PACRG: variants seen among roughly 807,000 people sequenced by gnomAD.
The protein encoded by PACRG is parkin coregulated, also known as parkin coregulated gene protein.
Under a neutral mutation model 29.7 loss-of-function variants are expected in PACRG, and 29 were observed. The ratio of observed to expected loss-of-function variants is 0.98; its 90% CI spans 0.73 to 1.33. PACRG has a LOEUF of 1.33. Ranked by LOEUF, PACRG falls within the 40% of genes most tolerant of loss-of-function variation. The probability of loss-of-function intolerance (pLI) is 0.00; values close to 1 mark genes in which losing one functional copy is unlikely to be tolerated. For missense variants in PACRG, 279 were observed against 316.2 expected (o/e 0.88, Z 0.89); for synonymous variants, 116 against 118.7 (o/e 0.98, Z 0.15).
intron 4 of PACRG, among the ~76,000 whole-genome samples, chr6:163,117,884 T>G (rs1816085455): frequency 6.6e-6 from 1 of 152,198 alleles, no homozygotes; most frequent in Non-Finnish European, 1.5e-5. Context: ...GTGTTGATGT[T>G]CATGCTTGTT....
At chr6:162,808,162 T>C (rs1286122288) in intron 1 of PACRG, among the ~76,000 whole-genome samples, 1 of 152,208 alleles carries the variant, frequency 6.6e-6, no homozygotes, top group Non-Finnish European at 1.5e-5. Flanking sequence ...GATACTGAAT[T>C]ACAGAACTTC....
chr6:162,880,792 A>C lies in PACRG; in HGVS notation c.291+66511A>C, dbSNP rs141821123. ...CACCTACCTGAAATCATCTTCCGAG[A>C]TACCCTAAAACTACACATCGCTTTC... is the stretch of plus-strand genomic sequence containing the variant. On this transcript the variant is annotated intron_variant, in intron 2 of 4. Transcript: ENST00000366888. Among the ~76,000 whole-genome samples, 197 of 152,350 alleles carry C rather than the reference A, an allele frequency of 1.3e-3. 1 individual carries two copies. The highest frequency in any genetic ancestry group is 4.4e-3 in the African/African-American group (185 of 41,586).
intron 2 of PACRG, among the ~76,000 whole-genome samples, chr6:162,887,725 G>A (rs6936634): frequency 6.6e-6 from 1 of 151,862 alleles, no homozygotes; most frequent in Non-Finnish European, 1.5e-5. Context: ...CCCTGCCTCC[G>A]TCCTTAAATA....
chr6:162,728,020 G>C lies in PACRG; in HGVS notation c.-216G>C. The C allele has an allele frequency of 1.5e-6, 1 of 663,392 alleles. No individual in the cohort carries two copies. The highest frequency in any genetic ancestry group is 2.6e-6 in the Non-Finnish European group (1 of 380,292). The allele number at this position is 663,392 out of a possible 1,614,324, so 41.1% of individuals were successfully genotyped here. On this transcript the variant is annotated 5_prime_UTR_variant, in exon 1 of 5. Coordinates refer to ENST00000366888, the MANE Select transcript of PACRG (RefSeq NM_001080379.2). Reference sequence around the variant, plus strand: ...CCTTTGGAAGCTTGTTGCAGCTCTAGCCAAGGTCCTGCCCTCTTCCCGCCC... The same window carrying C: ...CCTTTGGAAGCTTGTTGCAGCTCTACCCAAGGTCCTGCCCTCTTCCCGCCC...
At chr6:162,740,920 A>G (rs1424533862) in intron 1 of PACRG, among the ~76,000 whole-genome samples, 1 of 151,842 alleles carries the variant, frequency 6.6e-6, no homozygotes, top group Non-Finnish European at 1.5e-5. Context: ...TTATATTCTT[A>G]ATTTGCTAAG....
intron 4 of PACRG, among the ~76,000 whole-genome samples, chr6:163,180,587 A>G (rs1779606440): frequency 6.6e-6 from 1 of 152,132 alleles, no homozygotes; most frequent in Non-Finnish European, 1.5e-5. Flanking sequence ...TGATTACGCC[A>G]CTGTACTCTA....
In PACRG at chr6:162,885,169, A is replaced by T. The variant is rs545175096; in HGVS notation, c.291+70888A>T. Among the ~76,000 whole-genome samples the T allele has an allele frequency of 9.9e-5, 15 of 151,386 alleles. No homozygotes were observed. In the South Asian group the frequency reaches 3.1e-3, roughly 32 times the overall value. ...CAAGTTTGCACAAAACACTGCAGGG[A>T]TTATAAACCATGAAGAAAACATGGT... On this transcript the variant is annotated intron_variant, in intron 2 of 4. Coordinates refer to ENST00000366888, the MANE Select transcript of PACRG (RefSeq NM_001080379.2).
intron 2 of PACRG, among the ~76,000 whole-genome samples, chr6:163,027,698 G>C (rs969322335): frequency 3.9e-5 from 6 of 152,172 alleles, no homozygotes; most frequent in Non-Finnish European, 7.3e-5. Context: ...GTTCGGCAGA[G>C]AGCAATACAG....
At position 163,280,741 on chromosome 6, in the gene PACRG, G is replaced by T. The variant is rs536364827; in HGVS notation, c.614-34086G>T. Among the ~76,000 whole-genome samples the T allele has an allele frequency of 4.6e-5, 7 of 152,188 alleles. No homozygotes were observed. In the South Asian group the frequency reaches 1.4e-3, roughly 32 times the overall value. On this transcript the variant is annotated intron_variant, in intron 4 of 4. Transcript: ENST00000366888. ...TTTCCTGGATGCATGTGCACAGGGA[G>T]AGAGCGGGAGCAAGCTTTCTGGCAC...
chr6:162,754,394 T>C (rs1031414248), intron 1 of PACRG, among the ~76,000 whole-genome samples: 1 of 152,306 alleles, frequency 6.6e-6, no homozygotes, highest in South Asian at 2.1e-4. Flanking sequence ...TTTGCAAATA[T>C]TGTCTCCCAT....
At chr6:163,068,838 T>G (rs572385441) in intron 3 of PACRG, among the ~76,000 whole-genome samples, 5 of 152,286 alleles carry the variant, frequency 3.3e-5, no homozygotes, top group African/African-American at 1.2e-4. Context: ...CTTATCTCTC[T>G]GTGAATATTT....
chr6:163,280,236 T>C (rs539603441), intron 4 of PACRG, among the ~76,000 whole-genome samples: 1 of 152,344 alleles, frequency 6.6e-6, no homozygotes, highest in South Asian at 2.1e-4. Flanking sequence ...AGCTGTGTTG[T>C]TGCTGCCGTG....
At chr6:163,141,438 GTA>G (rs1331521299) in intron 4 of PACRG, among the ~76,000 whole-genome samples, 4 of 83,918 alleles carry the variant, frequency 4.8e-5, no homozygotes, top group African/African-American at 2.0e-4. Flanking sequence ...TTTTTGTAAT[GTA>G]TGTGTTTTTT....
At chr6:163,076,646 G>A (rs1812574112) in intron 3 of PACRG, among the ~76,000 whole-genome samples, 1 of 152,160 alleles carries the variant, frequency 6.6e-6, no homozygotes, top group Admixed American at 6.5e-5. Flanking sequence ...CATTCACCCT[G>A]TGCTCTAGCC....
At chr6:162,898,183 A>T (rs1795303396) in intron 2 of PACRG, among the ~76,000 whole-genome samples, 1 of 152,226 alleles carries the variant, frequency 6.6e-6, no homozygotes, top group Non-Finnish European at 1.5e-5. Context: ...GTGTAGCCTC[A>T]GCCGCGAGCA....
chr6:162,728,409 A>G lies in PACRG; in HGVS notation c.156+18A>G. On this transcript the variant is annotated intron_variant, in intron 1 of 4. Transcript: ENST00000366888. The stretch of plus-strand genomic sequence containing the variant: ...ACTCAGTCGTAAGTGATCTTCCTGA[A>G]TTAAATGCACTCGCTCTGAATCAGG... 1 of 1,607,502 alleles carries G rather than the reference A, an allele frequency of 6.2e-7. No homozygotes were observed. Among genetic ancestry groups the G allele is most frequent in the Non-Finnish European group, 8.5e-7 (1 of 1,179,178 alleles).
In PACRG at chr6:162,773,676, G is replaced by A. The variant is rs539132181; in HGVS notation, c.157-40471G>A. ...ACTACAGGCGCCCGCCACCGCGCCC[G>A]GCTAATTTTTTTGTATTTTTAGTAG... On this transcript the variant is annotated intron_variant, in intron 1 of 4. Transcript: ENST00000366888. 1.9e-4 allele frequency among the ~76,000 whole-genome samples: 29 copies of A among 151,346 alleles called. No homozygotes were observed. The South Asian group carries it at 5.4e-3, about 28-fold the overall frequency.
rs994794406 is a variant in PACRG, at chr6:163,275,618, C to T, written c.614-39209C>T. ...GTATAGATATTTCTCCACTGTCCTT[C>T]GACCTAGAAGGTAGCTGCGGAGAAT... On this transcript the variant is annotated intron_variant, in intron 4 of 4. Coordinates refer to ENST00000366888, the MANE Select transcript of PACRG (RefSeq NM_001080379.2). Among the ~76,000 whole-genome samples, 17 of 152,320 alleles carry T rather than the reference C, an allele frequency of 1.1e-4. No individual in the cohort carries two copies. In the South Asian group the frequency reaches 2.7e-3, roughly 24 times the overall value.
chr6:163,296,802 C>G (rs1043711341), intron 4 of PACRG, among the ~76,000 whole-genome samples: 1 of 152,118 alleles, frequency 6.6e-6, no homozygotes, highest in South Asian at 2.1e-4. Flanking sequence ...AGTAGCTTTT[C>G]GATATGAGAA....
Sources: allele counts gnomAD v4.1 joint callset (sites outside exome capture counted in the v4.1 genomes callset), GRCh38; gene constraint gnomAD v4.1.1; transcripts MANE v1.5; gene names NCBI Gene and HGNC (gene_info 2026-07-23, HGNC 2026-07-21).